RFT1: variants seen among roughly 807,000 people sequenced by gnomAD.
The protein encoded by RFT1 is man(5)GlcNAc(2)-PP-dolichol translocation protein RFT1.
In RFT1, 43 loss-of-function variants were observed where a neutral mutation model predicts 62.2. That is an observed-to-expected ratio of 0.69 (90% confidence interval 0.54 to 0.89). The LOEUF is 0.89. Among genes scored for constraint, RFT1 ranks in the 40% least tolerant of loss-of-function variants. RFT1 has a pLI of 0.00. For synonymous variants in RFT1, 262 were observed against 264.6 expected (o/e 0.99, Z 0.10); for missense variants, 605 against 649.9 (o/e 0.93, Z 0.75).
chr3:53,072,444 C>T, the RFT1 span, among the ~76,000 whole-genome samples: 5 of 152,318 alleles, frequency 3.3e-5, no homozygotes, highest in South Asian at 8.3e-4. Context: ...AAGTATCTGT[C>T]CCTACCCACC....
At chr3:53,111,341 G>A (rs897813010) in intron 7 of RFT1, among the ~76,000 whole-genome samples, 3 of 151,970 alleles carry the variant, frequency 2.0e-5, no homozygotes, top group Non-Finnish European at 2.9e-5. Context: ...GGGAGGTGGA[G>A]CTTGCAGTGA....
chr3:53,101,294 G>A (rs1258240517), intron 10 of RFT1, among the ~76,000 whole-genome samples: 1 of 152,186 alleles, frequency 6.6e-6, no homozygotes, highest in African/African-American at 2.4e-5. Flanking sequence ...GGGAGGCGGG[G>A]ACCAGGCTCT....
intron 8 of RFT1, 121 bp from the exon 9 acceptor site, chr3:53,105,924 T>TA: frequency 3.0e-6 from 3 of 1,004,656 alleles, no homozygotes; most frequent in Non-Finnish European, 4.3e-6. Flanking sequence ...AATTATAGAT[T>TA]CACACAGAGT....
At chr3:53,088,161 AAACAAAACAAGG>A (rs1279219224), downstream of RFT1, among the ~76,000 whole-genome samples, 20 of 152,242 alleles carry the variant, frequency 1.3e-4, no homozygotes, top group African/African-American at 4.8e-4. Flanking sequence ...TTTAATAAAC[AAACAAAACAAGG>A]ACCAGGCCAG....
intron 11 of RFT1, among the ~76,000 whole-genome samples, chr3:53,094,714 T>TA (rs1382357558): frequency 6.6e-6 from 1 of 152,062 alleles, no homozygotes; most frequent in African/African-American, 2.4e-5. Flanking sequence ...CACAAACTTT[T>TA]AGCCATCATT....
the RFT1 span, among the ~76,000 whole-genome samples, chr3:53,069,212 T>C: frequency 6.6e-6 from 1 of 152,198 alleles, no homozygotes; most frequent in South Asian, 2.1e-4. Context: ...AGTGCTGGGA[T>C]TATAGGTGTG....
At chr3:53,073,714 TG>T in the RFT1 span, among the ~76,000 whole-genome samples, 1 of 152,202 alleles carries the variant, frequency 6.6e-6, no homozygotes, top group Admixed American at 6.5e-5. Flanking sequence ...AACTGGCACC[TG>T]GGGTAAGAGG....
At chr3:53,069,749 C>T in the RFT1 span, among the ~76,000 whole-genome samples, 2 of 152,186 alleles carry the variant, frequency 1.3e-5, no homozygotes, top group Non-Finnish European at 2.9e-5. Context: ...AGCGCCTCCC[C>T]GTAGAGAGCC....
At chr3:53,075,003 T>G in the RFT1 span, among the ~76,000 whole-genome samples, 1 of 152,076 alleles carries the variant, frequency 6.6e-6, no homozygotes, top group Admixed American at 6.5e-5. Flanking sequence ...AGTCAACCCT[T>G]TATATAATAC....
intron 1 of RFT1, among the ~76,000 whole-genome samples, chr3:53,126,798 T>C (rs1021224858): frequency 1.3e-5 from 2 of 152,220 alleles, no homozygotes; most frequent in Non-Finnish European, 2.9e-5. Flanking sequence ...TAAATGGGGA[T>C]GCTGGGAAGA....
chr3:53,092,572 A>C lies in RFT1; in HGVS notation c.1255T>G (p.Ser419Ala). The change falls in exon 12 of 13, where the codon TCC (serine) becomes GCC (alanine). Residue 419 changes from serine to alanine, a missense_variant. Ser to Ala is a moderately conservative substitution (Grantham distance 99, BLOSUM62 1). Coordinates refer to ENST00000296292, the MANE Select transcript of RFT1 (RefSeq NM_052859.4). The part of the protein sequence containing the change: ...LALSSSFLVL[S>A]YLLTRWCGSV... ...CCACACCAACGGGTCAAGAGATAGGATAACACCAGGAATGAGGAGGACAGG... is the reference window on the plus strand; with the variant it reads ...CCACACCAACGGGTCAAGAGATAGGCTAACACCAGGAATGAGGAGGACAGG... The C allele has an allele frequency of 6.2e-7, 1 of 1,612,642 alleles. No individual in the cohort carries two copies. Among genetic ancestry groups the C allele is most frequent in the Non-Finnish European group, 8.5e-7 (1 of 1,179,544 alleles).
At chr3:53,118,066 T>A (rs11714704) in intron 6 of RFT1, among the ~76,000 whole-genome samples, 150,097 of 151,174 alleles carry the variant, frequency 0.99, 74,524 homozygotes, top group Middle Eastern at 1. Flanking sequence ...ATTAAAAAAA[T>A]TTTTTTTTTG....
intron 5 of RFT1, among the ~76,000 whole-genome samples, chr3:53,120,665 A>G (rs927039347): frequency 2.6e-5 from 4 of 151,944 alleles, no homozygotes; most frequent in African/African-American, 9.7e-5. Context: ...AAGTCCAAAA[A>G]AGCCCCTTTT....
chr3:53,103,816 C>A, intron 10 of RFT1, 137 bp downstream of exon 10: 1 of 1,096,410 alleles, frequency 9.1e-7, no homozygotes, highest in Non-Finnish European at 1.4e-6. Flanking sequence ...GGGGAACAGT[C>A]CCACAGCCCC....
chr3:53,074,284 T>C, the RFT1 span, among the ~76,000 whole-genome samples: 1 of 152,202 alleles, frequency 6.6e-6, no homozygotes, highest in South Asian at 2.1e-4. Flanking sequence ...GTCTCTTTCA[T>C]TTCTTCTGCT....
intron 3 of RFT1, among the ~76,000 whole-genome samples, chr3:53,123,517 T>C (rs754109222): frequency 5.9e-5 from 9 of 152,242 alleles, no homozygotes; most frequent in Non-Finnish European, 1.2e-4. Context: ...AACCTCTTCC[T>C]GGCTCCTGGA....
chr3:53,111,368 T>C (rs993517355), intron 7 of RFT1, among the ~76,000 whole-genome samples: 2 of 151,720 alleles, frequency 1.3e-5, no homozygotes, highest in Admixed American at 6.6e-5. Flanking sequence ...ATAGCACCAC[T>C]GTACTCCAGC....
At chr3:53,103,809 G>C (rs1349754067) in intron 10 of RFT1, 144 bp downstream of exon 10, 8 of 1,022,446 alleles carry the variant, frequency 7.8e-6, no homozygotes, top group African/African-American at 4.7e-5. Flanking sequence ...TGAACGAGGG[G>C]AACAGTCCCA....
chr3:53,081,583 T>C, the RFT1 span, among the ~76,000 whole-genome samples: 1 of 152,122 alleles, frequency 6.6e-6, no homozygotes, highest in Non-Finnish European at 1.5e-5. Flanking sequence ...ATGAGGAAAC[T>C]GAGGCACAGA....
Sources: allele counts gnomAD v4.1 joint callset (sites outside exome capture counted in the v4.1 genomes callset), GRCh38; gene constraint gnomAD v4.1.1; transcripts MANE v1.5; gene names NCBI Gene and HGNC (gene_info 2026-07-23, HGNC 2026-07-21).